The following DNAH9 variants were observed in gnomAD, a reference collection of about 807,000 sequenced individuals.
DNAH9 encodes dynein axonemal heavy chain 9.
DNAH9 carries 345 observed loss-of-function variants against 471.6 expected under a neutral mutation model. The observed-to-expected ratio is 0.73, with a 90% CI of 0.67 to 0.80. The LOEUF is 0.80. Ranked by LOEUF, DNAH9 falls within the 30% of genes least tolerant of loss-of-function variation. DNAH9 has a pLI of 0.00. For missense variants in DNAH9, 5,407 were observed against 5,609.2 expected (o/e 0.96, Z 1.15); for synonymous variants, 2,093 against 2,123.6 (o/e 0.99, Z 0.40).
intron 15 of DNAH9, among the ~76,000 whole-genome samples, chr17:11,667,495 T>C (rs1156682438): frequency 6.6e-6 from 1 of 152,196 alleles, no homozygotes; most frequent in African/African-American, 2.4e-5. Context: ...GGCAAGGCCC[T>C]ATTCTTACGT....
intron 51 of DNAH9, among the ~76,000 whole-genome samples, chr17:11,870,579 G>A (rs1972226953): frequency 6.6e-6 from 1 of 152,224 alleles, no homozygotes; most frequent in Non-Finnish European, 1.5e-5. Flanking sequence ...ACCAGCTTCT[G>A]TGTGGCTTTG....
chr17:11,915,665 A>G lies in DNAH9; in HGVS notation c.11750-8149A>G, dbSNP rs57230840. Among the ~76,000 whole-genome samples the G allele has an allele frequency of 8.6e-3, 1,303 of 152,316 alleles. 13 individuals carry two copies. Among genetic ancestry groups the G allele is most frequent in the African/African-American group, 0.03 (1,247 of 41,562 alleles). ...TCCAGCTTTTAGATCCTGTCACACC[A>G]TGAGCCTTCCTAACCTAGGACATTG... is the stretch of plus-strand genomic sequence containing the variant. On this transcript the variant is annotated intron_variant, in intron 61 of 68. Transcript: ENST00000262442.
chr17:11,738,802 A>G, intron 28 of DNAH9, 78 bp from the exon 29 acceptor site: 3 of 1,296,814 alleles, frequency 2.3e-6, no homozygotes, highest in East Asian at 2.3e-5. Flanking sequence ...GTGTGTGACT[A>G]CAGGGTTCCA....
intron 41 of DNAH9, among the ~76,000 whole-genome samples, chr17:11,786,544 T>G (rs1968876781): frequency 6.6e-6 from 1 of 152,130 alleles, no homozygotes; most frequent in South Asian, 2.1e-4. Context: ...ATGCACTTAA[T>G]CCTCACAACA....
intron 37 of DNAH9, 49 bp downstream of exon 37, chr17:11,768,675 A>C: frequency 6.3e-7 from 1 of 1,590,910 alleles, no homozygotes; most frequent in Non-Finnish European, 8.6e-7. Context: ...GCCCTCAAGG[A>C]TCTGCAGTGG....
At chr17:11,673,725 A>G (rs529959424) in intron 17 of DNAH9, among the ~76,000 whole-genome samples, 9 of 152,070 alleles carry the variant, frequency 5.9e-5, no homozygotes, top group Admixed American at 1.3e-4. Context: ...TGCATCATCC[A>G]GCTAAGAAAC....
Position 11,717,641 on chromosome 17 carries a change from G to A in DNAH9, c.5553-1693G>A, listed in dbSNP as rs144323865. ...ATTGTATCAGCTTTATTGAGGTATT[G>A]AGGCATAAATTACATGCCTTAAAGT... On this transcript the variant is annotated intron_variant, in intron 26 of 68. Transcript: ENST00000262442. Among the ~76,000 whole-genome samples, 25 of 152,278 alleles carry A rather than the reference G, an allele frequency of 1.6e-4. No homozygotes were observed. The East Asian group carries it at 4.8e-3, about 29-fold the overall frequency.
intron 28 of DNAH9, among the ~76,000 whole-genome samples, chr17:11,729,910 T>C (rs1464722352): frequency 5.9e-5 from 9 of 152,184 alleles, no homozygotes; most frequent in Non-Finnish European, 1.5e-5. Flanking sequence ...CGCAAATCCA[T>C]GCCACCTTCA....
chr17:11,672,781 T>G (rs569198531), intron 17 of DNAH9, among the ~76,000 whole-genome samples: 4 of 152,186 alleles, frequency 2.6e-5, no homozygotes, highest in Non-Finnish European at 4.4e-5. Flanking sequence ...CTCTTCTGCA[T>G]TCTCAGTGGG....
intron 43 of DNAH9, among the ~76,000 whole-genome samples, chr17:11,802,467 A>G (rs1969498672): frequency 6.6e-6 from 1 of 152,044 alleles, no homozygotes; most frequent in African/African-American, 2.4e-5. Context: ...CATCTCTACT[A>G]AAAATACCAA....
chr17:11,702,580 C>A (rs1157582907), intron 24 of DNAH9, among the ~76,000 whole-genome samples: 1 of 152,140 alleles, frequency 6.6e-6, no homozygotes, highest in East Asian at 1.9e-4. Context: ...AAGAAATGGT[C>A]TTTTGGGAGC....
intron 41 of DNAH9, among the ~76,000 whole-genome samples, chr17:11,786,783 G>T (rs1968887445): frequency 6.6e-6 from 1 of 152,162 alleles, no homozygotes; most frequent in Non-Finnish European, 1.5e-5. Flanking sequence ...TATCAAGGAG[G>T]AACCAGACAG....
intron 29 of DNAH9, among the ~76,000 whole-genome samples, chr17:11,741,101 G>C (rs2075426829): frequency 6.6e-6 from 1 of 152,022 alleles, no homozygotes. Context: ...GAGAATTTAA[G>C]CAGCATTTGG....
At chr17:11,928,845 A>G (rs1162305400) in intron 62 of DNAH9, among the ~76,000 whole-genome samples, 1 of 151,898 alleles carries the variant, frequency 6.6e-6, no homozygotes, top group African/African-American at 2.4e-5. Flanking sequence ...GGAGGATCTC[A>G]TTAAAAGGCG....
chr17:11,621,746 G>C (rs73975038), intron 6 of DNAH9, among the ~76,000 whole-genome samples: 2,292 of 152,240 alleles, frequency 0.015, 65 homozygotes, highest in African/African-American at 0.052. Context: ...CGGGAGGAAA[G>C]ACACAGAATC....
chr17:11,905,401 C>T (rs970626352), intron 60 of DNAH9, among the ~76,000 whole-genome samples: 1 of 152,138 alleles, frequency 6.6e-6, no homozygotes, highest in African/African-American at 2.4e-5. Context: ...CCACCAGGCT[C>T]CCCTGAGGGA....
chr17:11,640,670 G>A (rs1278381985), intron 10 of DNAH9, among the ~76,000 whole-genome samples: 1 of 152,152 alleles, frequency 6.6e-6, no homozygotes, highest in African/African-American at 2.4e-5. Flanking sequence ...TAAGCTCTGT[G>A]GAGTTCTTCC....
chr17:11,625,793 T>C (rs2072958848), intron 6 of DNAH9, among the ~76,000 whole-genome samples: 1 of 152,230 alleles, frequency 6.6e-6, no homozygotes. Context: ...TACCCCAGTG[T>C]TCCTTGTTCT....
intron 62 of DNAH9, among the ~76,000 whole-genome samples, chr17:11,928,632 C>T (rs1974405298): frequency 6.6e-6 from 1 of 152,122 alleles, no homozygotes; most frequent in African/African-American, 2.4e-5. Flanking sequence ...GAGACAGGCT[C>T]AAAGACCAGA....
Sources: gnomAD v4.1 joint callset for allele counts (sites outside exome capture counted in the v4.1 genomes callset) on GRCh38, gnomAD v4.1.1 for gene constraint, MANE v1.5 for transcripts, NCBI Gene and HGNC (gene_info 2026-07-23, HGNC 2026-07-21) for gene names.